The following STAC variants were observed in gnomAD, a reference collection of about 807,000 sequenced individuals.
STAC encodes the protein SH3 and cysteine-rich domain-containing protein.
A neutral mutation model predicts 48.8 loss-of-function variants in STAC; 43 were observed. The observed-to-expected ratio is 0.88, with a 90% CI of 0.69 to 1.14. The LOEUF (loss-of-function observed/expected upper bound fraction) is 1.14, where lower values mean the gene tolerates loss of function less well. Ranked by LOEUF, STAC falls within the 50% of genes most tolerant of loss-of-function variation. STAC has a pLI of 0.00. For synonymous variants in STAC, 193 were observed against 179.5 expected, an observed-to-expected ratio of 1.07 and a Z score of -0.60; for missense variants, 497 against 504.0, an observed-to-expected ratio of 0.99 and a Z score of 0.13.
chr3:36,509,471 C>CGG (rs977450752), intron 8 of STAC, among the ~76,000 whole-genome samples: 1 of 152,102 alleles, frequency 6.6e-6, no homozygotes, highest in Non-Finnish European at 1.5e-5. Context: ...TGGGGAAGTT[C>CGG]TCCTGGATAA....
intron 10 of STAC, among the ~76,000 whole-genome samples, chr3:36,532,750 G>A (rs1405236032): frequency 2.0e-5 from 3 of 152,092 alleles, no homozygotes; most frequent in East Asian, 3.9e-4. Flanking sequence ...ACCTGTTTTG[G>A]GGTCTGCTTT....
chr3:36,414,623 T>C (rs1220872015), intron 1 of STAC, among the ~76,000 whole-genome samples: 1 of 152,222 alleles, frequency 6.6e-6, no homozygotes. Flanking sequence ...GGTTCGAACT[T>C]TCTCCTTTAG....
At chr3:36,509,796 T>C (rs1488269715) in intron 8 of STAC, among the ~76,000 whole-genome samples, 3 of 151,930 alleles carry the variant, frequency 2.0e-5, no homozygotes, top group Non-Finnish European at 4.4e-5. Context: ...TTACACCTTA[T>C]ACAAAAATTA....
intron 1 of STAC, among the ~76,000 whole-genome samples, chr3:36,423,458 T>C (rs935908893): frequency 5.3e-5 from 8 of 151,228 alleles, no homozygotes; most frequent in Admixed American, 1.3e-4. Flanking sequence ...TAGATACATA[T>C]AATAAAAAGA....
intron 2 of STAC, among the ~76,000 whole-genome samples, chr3:36,462,713 A>G (rs528033300): frequency 3.4e-4 from 52 of 152,304 alleles, no homozygotes; most frequent in African/African-American, 1.2e-3. Context: ...ATTATGGGAA[A>G]GACTTTGACT....
chr3:36,389,249 G>T (rs1699687464), intron 1 of STAC, among the ~76,000 whole-genome samples: 1 of 152,158 alleles, frequency 6.6e-6, no homozygotes, highest in African/African-American at 2.4e-5. Context: ...CAACAGAAAT[G>T]TATCTGTCAC....
At chr3:36,500,640 G>C (rs1326131235) in intron 6 of STAC, among the ~76,000 whole-genome samples, 1 of 152,028 alleles carries the variant, frequency 6.6e-6, no homozygotes, top group Non-Finnish European at 1.5e-5. Flanking sequence ...TTAAAATACT[G>C]ATCACCCACT....
chr3:36,482,081 C>T (rs1339920571), intron 2 of STAC, among the ~76,000 whole-genome samples: 1 of 152,154 alleles, frequency 6.6e-6, no homozygotes, highest in Non-Finnish European at 1.5e-5. Context: ...CATTTTGGCA[C>T]CTTTTTGAGA....
intron 8 of STAC, among the ~76,000 whole-genome samples, chr3:36,523,736 G>C (rs1698859956): frequency 6.6e-6 from 1 of 152,196 alleles, no homozygotes; most frequent in African/African-American, 2.4e-5. Flanking sequence ...TCATGGATTA[G>C]CCAAGTCTAA....
At chr3:36,497,997 C>T (rs1575241373) in intron 6 of STAC, among the ~76,000 whole-genome samples, 3 of 152,228 alleles carry the variant, frequency 2.0e-5, no homozygotes, top group Admixed American at 1.3e-4. Flanking sequence ...GAAATGAACA[C>T]TCAAAGAACA....
intron 8 of STAC, among the ~76,000 whole-genome samples, chr3:36,521,255 A>G (rs1698797931): frequency 1.3e-5 from 2 of 152,134 alleles, no homozygotes; most frequent in Admixed American, 6.6e-5. Context: ...TATATAGTAA[A>G]GTGGGCAGTT....
intron 1 of STAC, among the ~76,000 whole-genome samples, chr3:36,381,298 G>C (rs919649140): frequency 2.6e-5 from 4 of 152,204 alleles, no homozygotes; most frequent in Non-Finnish European, 5.9e-5. Flanking sequence ...TCTTGTGAAA[G>C]TTAATACTCT....
Position 36,443,513 on chromosome 3 carries a change from T to TG in STAC, c.262dup (p.Ala88GlyfsTer35), listed in dbSNP as rs1248298215. 1.9e-6 allele frequency: 3 copies of TG among 1,614,100 alleles called. No individual in the cohort carries two copies. The highest frequency in any genetic ancestry group is 2.5e-6 in the Non-Finnish European group (3 of 1,180,042). On this transcript the variant is annotated frameshift_variant, in exon 2 of 11. Transcript: ENST00000273183. LOFTEE classifies it high-confidence loss of function. The surrounding 1 kb of genome is among the most constrained non-coding windows in gnomAD (Gnocchi z 4.2). Reference sequence around the variant, plus strand: ...TCAGCCCCAGCTCCAGCCCACTCCCTGCTCCAGGAAGCCTGACGTCCACAC... The same window carrying TG: ...TCAGCCCCAGCTCCAGCCCACTCCCTGGCTCCAGGAAGCCTGACGTCCACAC...
At chr3:36,487,009 C>T (rs1559510247) in intron 5 of STAC, among the ~76,000 whole-genome samples, 1 of 152,208 alleles carries the variant, frequency 6.6e-6, no homozygotes, top group Non-Finnish European at 1.5e-5. Context: ...TGTTGCAGCC[C>T]CTGCTGGACT....
chr3:36,418,299 C>G (rs1700365021), intron 1 of STAC, among the ~76,000 whole-genome samples: 2 of 152,082 alleles, frequency 1.3e-5, no homozygotes. Context: ...GATTGTATCT[C>G]TTAAAGTTTT....
At chr3:36,502,510 G>A (rs1450396887) in intron 6 of STAC, among the ~76,000 whole-genome samples, 1 of 152,106 alleles carries the variant, frequency 6.6e-6, no homozygotes, top group Non-Finnish European at 1.5e-5. Flanking sequence ...GATGGCCAGA[G>A]GGAGATTCAA....
chr3:36,414,891 A>G (rs887453339), intron 1 of STAC, among the ~76,000 whole-genome samples: 1 of 152,230 alleles, frequency 6.6e-6, no homozygotes, highest in Admixed American at 6.5e-5. Context: ...TTTAACACTC[A>G]GGACCCTCAG....
intron 1 of STAC, among the ~76,000 whole-genome samples, chr3:36,412,867 T>C (rs1236202411): frequency 1.3e-5 from 2 of 152,188 alleles, no homozygotes; most frequent in Non-Finnish European, 2.9e-5. Context: ...TCTTTCTAAA[T>C]AGACTTAATC....
At chr3:36,421,830 T>C (rs943558445) in intron 1 of STAC, among the ~76,000 whole-genome samples, 1 of 152,132 alleles carries the variant, frequency 6.6e-6, no homozygotes, top group African/African-American at 2.4e-5. Flanking sequence ...AATTTTACTA[T>C]GCCATTATAT....
Sources: allele counts gnomAD v4.1 joint callset (sites outside exome capture counted in the v4.1 genomes callset), GRCh38; gene constraint gnomAD v4.1.1; non-coding constraint Gnocchi (gnomAD v3.1); transcripts MANE v1.5; gene names NCBI Gene and HGNC (gene_info 2026-07-23, HGNC 2026-07-21).